The following PTPRT variants were observed in gnomAD, a reference collection of about 807,000 sequenced individuals.
PTPRT encodes receptor-type tyrosine-protein phosphatase T.
PTPRT carries 56 observed loss-of-function variants against 176.8 expected under a neutral mutation model. That is an observed-to-expected ratio of 0.32 (90% CI 0.26 to 0.40). PTPRT has a LOEUF of 0.40. PTPRT is among the 10% of genes least tolerant of loss of function. The pLI is 1.00. For synonymous variants in PTPRT, 783 were observed against 739.0 expected (o/e 1.06, Z -0.96); for missense variants, 1,540 against 1,908.2 (o/e 0.81, Z 3.60).
chr20:42,453,298 A>T (rs1568893257), intron 8 of PTPRT, among the ~76,000 whole-genome samples: 1 of 152,136 alleles, frequency 6.6e-6, no homozygotes, highest in Admixed American at 6.5e-5. Context: ...AGTAAACTGT[A>T]TAAATCTTCA....
At chr20:42,184,520 T>TCC (rs1990653043) in intron 16 of PTPRT, among the ~76,000 whole-genome samples, 3 of 89,942 alleles carry the variant, frequency 3.3e-5, no homozygotes, top group African/African-American at 9.0e-5. Context: ...CTCCTCCTCC[T>TCC]TCTTCTTCTT....
At chr20:42,140,754 C>A (rs753886816) in intron 18 of PTPRT, among the ~76,000 whole-genome samples, 1 of 152,192 alleles carries the variant, frequency 6.6e-6, no homozygotes, top group Non-Finnish European at 1.5e-5. Context: ...TATGTCCCCA[C>A]AGGACATGTC....
chr20:42,414,294 G>A (rs749387398), intron 9 of PTPRT, among the ~76,000 whole-genome samples: 2 of 152,164 alleles, frequency 1.3e-5, no homozygotes, highest in Non-Finnish European at 2.9e-5. Flanking sequence ...AATGACAAAA[G>A]AGAAAAGTAT....
At chr20:42,152,025 G>T (rs1220099469) in intron 17 of PTPRT, among the ~76,000 whole-genome samples, 1 of 152,204 alleles carries the variant, frequency 6.6e-6, no homozygotes, top group Non-Finnish European at 1.5e-5. Flanking sequence ...GTCAGCTTGT[G>T]GGTGACAAGG....
chr20:42,106,255 G>A (rs1053875773), intron 24 of PTPRT, among the ~76,000 whole-genome samples: 5 of 152,134 alleles, frequency 3.3e-5, no homozygotes, highest in African/African-American at 1.2e-4. Flanking sequence ...CTTAGGTTTG[G>A]GCTCTCCAAC....
At chr20:42,606,525 G>C (rs1320211751) in intron 7 of PTPRT, among the ~76,000 whole-genome samples, 2 of 152,176 alleles carry the variant, frequency 1.3e-5, no homozygotes, top group Non-Finnish European at 2.9e-5. Flanking sequence ...GATAAAACAT[G>C]TTCACTCCAT....
At chr20:42,316,066 G>T in intron 11 of PTPRT, 70 bp from the exon 12 acceptor site, 1 of 1,529,136 alleles carries the variant, frequency 6.5e-7, no homozygotes. Context: ...AGCTCTAATG[G>T]TGTCAACCCA....
chr20:42,084,077 T>C (rs1983627364), intron 29 of PTPRT, among the ~76,000 whole-genome samples: 1 of 152,260 alleles, frequency 6.6e-6, no homozygotes, highest in African/African-American at 2.4e-5. Flanking sequence ...TAATTCCACA[T>C]ACCCAATGAA....
intron 1 of PTPRT, among the ~76,000 whole-genome samples, chr20:42,929,961 C>A (rs78352700): frequency 3.3e-5 from 5 of 152,150 alleles, no homozygotes; most frequent in Admixed American, 2.6e-4. Flanking sequence ...GTTCTGTGTC[C>A]CCATCTCAGT....
intron 15 of PTPRT, among the ~76,000 whole-genome samples, chr20:42,215,876 T>C (rs1347864953): frequency 6.6e-6 from 1 of 152,178 alleles, no homozygotes; most frequent in Non-Finnish European, 1.5e-5. Flanking sequence ...TGCAGCTCCC[T>C]ATATAGGGCC....
At chr20:43,134,261 T>C (rs2013749419) in intron 1 of PTPRT, among the ~76,000 whole-genome samples, 1 of 152,234 alleles carries the variant, frequency 6.6e-6, no homozygotes, top group Non-Finnish European at 1.5e-5. Flanking sequence ...AAAGATTCTT[T>C]GCTTGGCCAA....
rs183533307 is a variant in PTPRT at position 42,098,704 on chromosome 20, C to T, written c.3715-152G>A. ...GTTCTTTTATCTCTCCACGCCCTGGCGGCAAAGGGGACCTTCTCATAATGA... is the reference window on the plus strand; with the variant it reads ...GTTCTTTTATCTCTCCACGCCCTGGTGGCAAAGGGGACCTTCTCATAATGA... On this transcript the variant is annotated intron_variant, in intron 26 of 30. Coordinates refer to ENST00000373187, the MANE Select transcript of PTPRT (RefSeq NM_007050.6). 1.2e-3 allele frequency: 1,125 copies of T among 973,798 alleles called. 12 individuals carry two copies. The African/African-American group carries it at 0.015, about 13-fold the overall frequency. 60.3% of individuals were successfully genotyped at this position (973,798 alleles called of 1,614,324 possible). A position where few individuals can be genotyped will look rare whatever the true frequency, so the allele number is the denominator to read the frequency against.
At chr20:42,102,650 G>A (rs576717173) in intron 25 of PTPRT, among the ~76,000 whole-genome samples, 26 of 152,346 alleles carry the variant, frequency 1.7e-4, no homozygotes, top group African/African-American at 5.8e-4. Context: ...GGCATACAGA[G>A]GGGTGGGGGT....
intron 1 of PTPRT, among the ~76,000 whole-genome samples, chr20:43,015,149 C>G (rs929822989): frequency 6.6e-6 from 1 of 152,144 alleles, no homozygotes. Context: ...TTAACTTGTA[C>G]GCTAAGGCAC....
chr20:42,095,997 A>G (rs1425310121), intron 27 of PTPRT, among the ~76,000 whole-genome samples: 1 of 152,092 alleles, frequency 6.6e-6, no homozygotes, highest in Non-Finnish European at 1.5e-5. Context: ...CCAGTTGCCT[A>G]ATTGCCCAGA....
intron 9 of PTPRT, among the ~76,000 whole-genome samples, chr20:42,364,230 A>G (rs914114923): frequency 3.3e-5 from 5 of 152,192 alleles, no homozygotes; most frequent in African/African-American, 1.2e-4. Flanking sequence ...TCGATCACGT[A>G]ATCACACATT....
At chr20:42,832,876 G>A (rs2078115535) in intron 2 of PTPRT, among the ~76,000 whole-genome samples, 1 of 151,118 alleles carries the variant, frequency 6.6e-6, no homozygotes, top group Admixed American at 6.6e-5. Context: ...GACAGAGGTG[G>A]GAGGATTGTT....
chr20:42,978,996 C>T (rs1983121410), intron 1 of PTPRT, among the ~76,000 whole-genome samples: 1 of 152,186 alleles, frequency 6.6e-6, no homozygotes, highest in Admixed American at 6.5e-5. Context: ...GGAACTCACC[C>T]TGAATTCTTT....
rs569320125 is a variant in PTPRT, at chr20:43,071,470, T to C, written c.88+118176A>G. The stretch of plus-strand genomic sequence containing the variant: ...CATGGGCCCCCAGCTCCAGTTCTGC[T>C]TCAGGGAACCCAGTTCAAGACAGGA... On this transcript the variant is annotated intron_variant, in intron 1 of 30. Coordinates refer to ENST00000373187, the MANE Select transcript of PTPRT (RefSeq NM_007050.6). 4.6e-5 allele frequency among the ~76,000 whole-genome samples: 7 copies of C among 152,220 alleles called. No individual in the cohort carries two copies. In the East Asian group the frequency reaches 1.2e-3, roughly 25 times the overall value.
Sources: gnomAD v4.1 joint callset for allele counts (sites outside exome capture counted in the v4.1 genomes callset) on GRCh38, gnomAD v4.1.1 for gene constraint, MANE v1.5 for transcripts, NCBI Gene and HGNC (gene_info 2026-07-23, HGNC 2026-07-21) for gene names.